Variants in CERS6 observed in about 807,000 individuals in gnomAD.
CERS6 encodes ceramide synthase 6, also known as LAG1 homolog, ceramide synthase 6.
CERS6 carries 26 observed loss-of-function variants against 56.8 expected under a neutral mutation model. The observed-to-expected ratio is 0.46, with a 90% CI of 0.34 to 0.63. The LOEUF is 0.63. Among genes scored for constraint, CERS6 ranks in the 30% least tolerant of loss-of-function variants. The probability of loss-of-function intolerance (pLI) is 0.01; values close to 1 mark genes in which losing one functional copy is unlikely to be tolerated. For synonymous variants in CERS6, 164 were observed against 173.3 expected (o/e 0.95, Z 0.42); for missense variants, 415 against 467.5 (o/e 0.89, Z 1.04).
At chr2:168,649,345 T>A (rs906457654) in intron 4 of CERS6, among the ~76,000 whole-genome samples, 5 of 152,152 alleles carry the variant, frequency 3.3e-5, no homozygotes, top group African/African-American at 1.2e-4. Context: ...CATTCATCAC[T>A]GTCAAATGGC....
chr2:168,654,223 G>A (rs1685414387), intron 4 of CERS6, among the ~76,000 whole-genome samples: 1 of 152,170 alleles, frequency 6.6e-6, no homozygotes, highest in African/African-American at 2.4e-5. Context: ...TCTGTCATGA[G>A]GGCCTGTGAG....
intron 8 of CERS6, among the ~76,000 whole-genome samples, chr2:168,758,534 A>G (rs1684477126): frequency 6.6e-6 from 1 of 152,214 alleles, no homozygotes; most frequent in African/African-American, 2.4e-5. Flanking sequence ...GTTACTTGAC[A>G]TGGCCAAGGG....
rs1203837601 is a variant in CERS6 at position 168,769,569 on chromosome 2, T to G, written c.1062T>G (p.Pro354=). 6.2e-6 allele frequency: 10 copies of G among 1,612,570 alleles called. No individual in the cohort carries two copies. Among genetic ancestry groups the G allele is most frequent in the Non-Finnish European group, 8.5e-6 (10 of 1,179,596 alleles). ...GCTCAGATGAGGAGGACTCAGAACC[T>G]CCGGGAAAGAATCCCCACACTGCGA... The part of the protein sequence containing the change: ...ESSSDEEDSE[P]PGKNPHTATT... Residue 354 remains proline (P), a synonymous_variant, in exon 10 of 10, where the codon CCT becomes CCG. Transcript: ENST00000305747.
At chr2:168,691,348 A>G (rs1370910361) in intron 5 of CERS6, among the ~76,000 whole-genome samples, 1 of 152,186 alleles carries the variant, frequency 6.6e-6, no homozygotes, top group African/African-American at 2.4e-5. Flanking sequence ...AATTAGTTCA[A>G]CTGGTGGAAA....
intron 3 of CERS6, among the ~76,000 whole-genome samples, chr2:168,574,609 G>A (rs1014846079): frequency 1.3e-5 from 2 of 152,080 alleles, no homozygotes; most frequent in African/African-American, 4.8e-5. Flanking sequence ...TTAATATAGT[G>A]ATTAAATAAA....
chr2:168,651,206 C>T (rs183297681), intron 4 of CERS6, among the ~76,000 whole-genome samples: 1 of 152,246 alleles, frequency 6.6e-6, no homozygotes, highest in Non-Finnish European at 1.5e-5. Context: ...TTTGGCATAG[C>T]AATCTTAGCT....
chr2:168,690,449 A>G lies in CERS6; in HGVS notation c.466-585A>G, dbSNP rs368016571. The stretch of plus-strand genomic sequence containing the variant: ...CCTAATCATACTGTGTCATAAGGCA[A>G]GTAATTCCTCAAATTAAGAATGATT... On this transcript the variant is annotated intron_variant, in intron 4 of 9. Transcript: ENST00000305747. Among the ~76,000 whole-genome samples, 33 of 152,298 alleles carry G rather than the reference A, an allele frequency of 2.2e-4. No individual in the cohort carries two copies. The East Asian group carries it at 4.1e-3, about 19-fold the overall frequency.
chr2:168,696,377 C>T (rs1398464437), intron 6 of CERS6, among the ~76,000 whole-genome samples: 1 of 152,178 alleles, frequency 6.6e-6, no homozygotes, highest in Non-Finnish European at 1.5e-5. Context: ...ACTTACAGTT[C>T]CCTCTCCTTT....
chr2:168,698,879 G>C (rs1252118980), intron 6 of CERS6, among the ~76,000 whole-genome samples: 1 of 152,146 alleles, frequency 6.6e-6, no homozygotes, highest in Non-Finnish European at 1.5e-5. Flanking sequence ...TTTTTTGCTA[G>C]TCAATATGAA....
At chr2:168,669,708 A>C (rs1391330839) in intron 4 of CERS6, among the ~76,000 whole-genome samples, 7 of 152,152 alleles carry the variant, frequency 4.6e-5, no homozygotes, top group Non-Finnish European at 2.9e-5. Context: ...TGCCCTTGTG[A>C]ATTTATAGCA....
intron 1 of CERS6, among the ~76,000 whole-genome samples, chr2:168,508,020 G>A (rs889984990): frequency 2.0e-5 from 3 of 152,138 alleles, no homozygotes; most frequent in African/African-American, 7.2e-5. Context: ...ATTTAAAGTT[G>A]TATCACTGAG....
At chr2:168,676,143 A>G (rs1197438840) in intron 4 of CERS6, among the ~76,000 whole-genome samples, 1 of 152,208 alleles carries the variant, frequency 6.6e-6, no homozygotes, top group African/African-American at 2.4e-5. Flanking sequence ...CTGGACTTAA[A>G]GATATGTAGT....
intron 2 of CERS6, among the ~76,000 whole-genome samples, chr2:168,553,423 A>G (rs1463148696): frequency 1.3e-5 from 2 of 152,140 alleles, no homozygotes; most frequent in Non-Finnish European, 1.5e-5. Flanking sequence ...AACATTGTTA[A>G]AGTTGCTGGA....
At chr2:168,663,474 C>G (rs1407459992) in intron 4 of CERS6, among the ~76,000 whole-genome samples, 2 of 152,104 alleles carry the variant, frequency 1.3e-5, no homozygotes. Flanking sequence ...TCTTGAACTC[C>G]TGGCCTCAAG....
At chr2:168,560,601 A>G (rs1283673054) in intron 2 of CERS6, among the ~76,000 whole-genome samples, 1 of 152,156 alleles carries the variant, frequency 6.6e-6, no homozygotes, top group African/African-American at 2.4e-5. Context: ...GACCAAGAAA[A>G]CGAATAGAAG....
Position 168,713,825 on chromosome 2 carries a change from A to G in CERS6, c.610-1176A>G, listed in dbSNP as rs921436476. 8.5e-5 allele frequency among the ~76,000 whole-genome samples: 13 copies of G among 152,258 alleles called. No individual in the cohort carries two copies. The South Asian group carries it at 1.0e-3, about 12-fold the overall frequency. ...TTGTGTAGGTCCTATCAGAAGAGCC[A>G]ACATGGTAGGATTCTTATTTGAGTA... On this transcript the variant is annotated intron_variant, in intron 6 of 9. Transcript: ENST00000305747.
Position 168,478,643 on chromosome 2 carries a change from G to A in CERS6, c.170+22025G>A, listed in dbSNP as rs148995357. Among the ~76,000 whole-genome samples, 877 of 152,236 alleles carry A rather than the reference G, an allele frequency of 5.8e-3. 3 individuals are homozygous for A. The highest frequency in any genetic ancestry group is 7.3e-3 in the Non-Finnish European group (499 of 67,996). ...ATCTGGGCATCACCAGGTGATTCTC[G>A]TGCATGTGAAAGTGTAAGACATCTT... On this transcript the variant is annotated intron_variant, in intron 1 of 9. Coordinates refer to ENST00000305747, the MANE Select transcript of CERS6 (RefSeq NM_203463.3).
chr2:168,743,250 A>G (rs1683980422), intron 8 of CERS6, among the ~76,000 whole-genome samples: 2 of 151,758 alleles, frequency 1.3e-5, no homozygotes, highest in East Asian at 3.9e-4. Flanking sequence ...GTGTGTATAT[A>G]TATATACACG....
chr2:168,584,805 A>G (rs1451797366), intron 3 of CERS6, among the ~76,000 whole-genome samples: 1 of 152,224 alleles, frequency 6.6e-6, no homozygotes, highest in East Asian at 1.9e-4. Context: ...GCTGCAAGAA[A>G]TTGTGGGGTT....
Sources: allele counts gnomAD v4.1 joint callset (sites outside exome capture counted in the v4.1 genomes callset), GRCh38; gene constraint gnomAD v4.1.1; transcripts MANE v1.5; gene names NCBI Gene and HGNC (gene_info 2026-07-23, HGNC 2026-07-21).